MICAL2: variants seen among roughly 807,000 people sequenced by gnomAD.
MICAL2 encodes the protein [F-actin]-monooxygenase MICAL2.
Under a neutral mutation model 127.3 loss-of-function variants are expected in MICAL2, and 77 were observed. The observed-to-expected ratio is 0.60, with a 90% confidence interval of 0.50 to 0.73. MICAL2 has a LOEUF of 0.73. Ranked by LOEUF, MICAL2 falls within the 30% of genes least tolerant of loss-of-function variation. The pLI, the probability that MICAL2 is intolerant of heterozygous loss-of-function variation, is 0.00. For synonymous variants in MICAL2, 570 were observed against 551.1 expected, an observed-to-expected ratio of 1.03 and a Z score of -0.48; for missense variants, 1,351 against 1,434.4, an observed-to-expected ratio of 0.94 and a Z score of 0.94.
intron 18 of MICAL2, among the ~76,000 whole-genome samples, chr11:12,241,470 T>G (rs369153666): frequency 3.2e-4 from 48 of 152,320 alleles, no homozygotes; most frequent in African/African-American, 1.1e-3. Flanking sequence ...CTAAGCATTA[T>G]CTGCAGACCA....
chr11:12,168,404 C>A (rs887508640), intron 3 of MICAL2, among the ~76,000 whole-genome samples: 1 of 150,908 alleles, frequency 6.6e-6, no homozygotes, highest in East Asian at 2.0e-4. Context: ...ACCATACACA[C>A]ATTCATACAT....
At chr11:12,324,975 A>G (rs1590738194) in intron 31 of MICAL2, among the ~76,000 whole-genome samples, 1 of 152,206 alleles carries the variant, frequency 6.6e-6, no homozygotes, top group Non-Finnish European at 1.5e-5. Context: ...AAACTAGGCA[A>G]TGCCTCTTCC....
rs148435507 is a variant in MICAL2 at position 12,226,249 on chromosome 11, G to T, written c.1767G>T (p.Gly589=). 4.7e-5 allele frequency: 76 copies of T among 1,614,122 alleles called. No individual in the cohort carries two copies. Among genetic ancestry groups the T allele is most frequent in the Non-Finnish European group, 5.5e-5 (65 of 1,180,058 alleles). The change falls in exon 14 of 28, where the codon GGG becomes GGT. Residue 589 remains glycine (G), a synonymous_variant. Coordinates refer to ENST00000683283, the MANE Select transcript of MICAL2 (RefSeq NM_001282663.2). ...LAFDVAEREF[G]IPPVTTGKEM... ...TTGATGTGGCCGAGCGAGAGTTTGGGATCCCTCCAGTGACCACGGGCAAAG... is the reference window on the plus strand; with the variant it reads ...TTGATGTGGCCGAGCGAGAGTTTGGTATCCCTCCAGTGACCACGGGCAAAG...
At chr11:12,224,452 A>G in intron 12 of MICAL2, 1 of 560,574 alleles carries the variant, frequency 1.8e-6, no homozygotes, top group South Asian at 2.4e-5. Context: ...ACTCTGCTGG[A>G]AGAGAACATG....
chr11:12,212,510 A>C (rs1370733034), intron 6 of MICAL2, among the ~76,000 whole-genome samples: 2 of 152,204 alleles, frequency 1.3e-5, no homozygotes, highest in Non-Finnish European at 2.9e-5. Context: ...AAAACGAATG[A>C]GAGCTAGAAT....
At chr11:12,298,765 C>T (rs1864014340) in intron 29 of MICAL2, among the ~76,000 whole-genome samples, 1 of 151,956 alleles carries the variant, frequency 6.6e-6, no homozygotes, top group Non-Finnish European at 1.5e-5. Context: ...TTTTTTTCTC[C>T]TTAATTTGAT....
intron 3 of MICAL2, among the ~76,000 whole-genome samples, chr11:12,188,700 G>A (rs1356726200): frequency 6.6e-6 from 1 of 152,136 alleles, no homozygotes; most frequent in Non-Finnish European, 1.5e-5. Context: ...GCCAGAGTCA[G>A]ATACCTGTGA....
In MICAL2 at chr11:12,327,198, TG is replaced by T; in HGVS notation, c.5449del (p.Glu1817ArgfsTer12). ...GCCATCCAGAGGCAGCTGGAGGAGG[TG>T]GAGGAGCGGCAGAGGGCTTCTGAGA... On this transcript the variant is annotated frameshift_variant, in exon 32 of 35. Coordinates refer to the MICAL2 transcript ENST00000646065. LOFTEE classifies it high-confidence loss of function. The T allele has an allele frequency of 6.4e-7, 1 of 1,551,158 alleles. No individual in the cohort carries two copies. Among genetic ancestry groups the T allele is most frequent in the Non-Finnish European group, 8.7e-7 (1 of 1,146,926 alleles).
intron 22 of MICAL2, among the ~76,000 whole-genome samples, chr11:12,252,371 C>A (rs1861663108): frequency 6.6e-6 from 1 of 152,216 alleles, no homozygotes; most frequent in African/African-American, 2.4e-5. Flanking sequence ...CCAGGCCTGA[C>A]AGCTGCTCCC....
chr11:12,236,307 C>A, intron 16 of MICAL2, 62 bp downstream of exon 16: 1 of 1,467,520 alleles, frequency 6.8e-7, no homozygotes, highest in Non-Finnish European at 9.6e-7. Context: ...TGGCCACAGG[C>A]AGCCTCACTG....
intron 15 of MICAL2, among the ~76,000 whole-genome samples, chr11:12,233,214 T>G (rs1174327147): frequency 6.6e-6 from 1 of 152,246 alleles, no homozygotes; most frequent in Non-Finnish European, 1.5e-5. Flanking sequence ...GCTTATGAAC[T>G]AAACAATATA....
chr11:12,266,199 C>G (rs1258071781), downstream of MICAL2, among the ~76,000 whole-genome samples: 1 of 152,056 alleles, frequency 6.6e-6, no homozygotes, highest in Admixed American at 6.6e-5. Context: ...AACTTCATCC[C>G]AAGTATTGAG....
At chr11:12,287,557 C>T (rs150630658), downstream of MICAL2, among the ~76,000 whole-genome samples, 427 of 152,188 alleles carry the variant, frequency 2.8e-3, 1 homozygote, top group Non-Finnish European at 5.1e-3. Flanking sequence ...GATTAACGGC[C>T]TCACACAAAA....
At chr11:12,260,535 G>A (rs1862970171) in intron 26 of MICAL2, 4 of 1,013,516 alleles carry the variant, frequency 3.9e-6, no homozygotes, top group South Asian at 4.6e-5. Context: ...CTTGAACACT[G>A]CAGTGAGTTA....
chr11:12,267,369 C>A (rs1000690186), downstream of MICAL2, among the ~76,000 whole-genome samples: 2 of 152,162 alleles, frequency 1.3e-5, no homozygotes, highest in Non-Finnish European at 2.9e-5. Flanking sequence ...ACTGCAATTC[C>A]CCTTTTCTTG....
chr11:12,209,016 C>T (rs1175634652), intron 5 of MICAL2, among the ~76,000 whole-genome samples: 1 of 121,416 alleles, frequency 8.2e-6, no homozygotes, highest in Non-Finnish European at 1.6e-5. Context: ...CCAGGCTTCA[C>T]CTGATTTTTT....
rs565269418 is a variant in MICAL2 at position 12,282,198 on chromosome 11, A to C, written c.254+1099A>C. Among the ~76,000 whole-genome samples, 63 of 152,344 alleles carry C rather than the reference A, an allele frequency of 4.1e-4. 1 individual carries two copies. Among genetic ancestry groups the C allele is most frequent in the Non-Finnish European group, 7.9e-4 (54 of 68,038 alleles). ...TGAATTTTACCCTCATTTTTTAAAA[A>C]AGTGACACTTTTTAAAAAGGACAGA... is the stretch of plus-strand genomic sequence containing the variant. On this transcript the variant is annotated intron_variant, in intron 2 of 2. Coordinates refer to the MICAL2 transcript ENST00000529028.
chr11:12,199,330 C>A (rs1158336761), intron 3 of MICAL2, among the ~76,000 whole-genome samples: 1 of 152,122 alleles, frequency 6.6e-6, no homozygotes, highest in Non-Finnish European at 1.5e-5. Context: ...TTAGGTCTCA[C>A]AACTGTCCTT....
At chr11:12,273,673 C>T (rs546162409), upstream of MICAL2, among the ~76,000 whole-genome samples, 1 of 151,854 alleles carries the variant, frequency 6.6e-6, no homozygotes, top group East Asian at 1.9e-4. Context: ...CCAGAGAGAA[C>T]ACATGGGTAA....
Sources: gnomAD v4.1 joint callset for allele counts (sites outside exome capture counted in the v4.1 genomes callset) on GRCh38, gnomAD v4.1.1 for gene constraint, MANE v1.5 for transcripts, NCBI Gene and HGNC (gene_info 2026-07-23, HGNC 2026-07-21) for gene names.